CNTN4: variants seen among roughly 807,000 people sequenced by gnomAD.
The protein encoded by CNTN4 is contactin-4.
CNTN4 carries 77 observed loss-of-function variants against 122.5 expected under a neutral mutation model. The observed-to-expected ratio is 0.63, with a 90% CI of 0.52 to 0.76. The LOEUF is 0.76. Ranked by LOEUF, CNTN4 falls within the 30% of genes least tolerant of loss-of-function variation. The pLI is 0.00. For synonymous variants in CNTN4, 512 were observed against 447.0 expected, an observed-to-expected ratio of 1.15 and a Z score of -1.83; for missense variants, 1,256 against 1,259.1, an observed-to-expected ratio of 1.00 and a Z score of 0.04.
At chr3:2,143,801 T>C (rs2035119651) in intron 2 of CNTN4, among the ~76,000 whole-genome samples, 1 of 152,222 alleles carries the variant, frequency 6.6e-6, no homozygotes, top group African/African-American at 2.4e-5. Flanking sequence ...TGCTGTGTCC[T>C]CCAGGGCCTG....
At chr3:2,928,508 C>T (rs2094493385) in intron 13 of CNTN4, among the ~76,000 whole-genome samples, 1 of 152,156 alleles carries the variant, frequency 6.6e-6, no homozygotes, top group Admixed American at 6.5e-5. Flanking sequence ...ACATGAAGTG[C>T]AAAATTCTTT....
intron 23 of CNTN4, 56 bp from the exon 24 acceptor site, chr3:3,053,751 A>G: frequency 6.3e-7 from 1 of 1,577,648 alleles, no homozygotes; most frequent in Non-Finnish European, 8.7e-7. Context: ...TGAATGCTCC[A>G]TATTTGGGAC....
chr3:2,614,765 A>G (rs2081642225), intron 4 of CNTN4, among the ~76,000 whole-genome samples: 1 of 152,132 alleles, frequency 6.6e-6, no homozygotes. Context: ...ACATCCTTGT[A>G]GAGATGCCAG....
chr3:2,601,269 C>G (rs1027841432), intron 4 of CNTN4, among the ~76,000 whole-genome samples: 4 of 152,160 alleles, frequency 2.6e-5, no homozygotes, highest in African/African-American at 9.7e-5. Flanking sequence ...GTCATAAAGT[C>G]CTTGCCCATG....
intron 3 of CNTN4, among the ~76,000 whole-genome samples, chr3:2,367,845 G>T (rs966891335): frequency 2.0e-5 from 3 of 151,984 alleles, no homozygotes; most frequent in African/African-American, 4.8e-5. Context: ...CCCTAACAAC[G>T]TTCGGACTAT....
At chr3:2,472,999 C>T (rs1408485759) in intron 3 of CNTN4, among the ~76,000 whole-genome samples, 1 of 151,774 alleles carries the variant, frequency 6.6e-6, no homozygotes, top group South Asian at 2.1e-4. Context: ...TTTGGGAGGC[C>T]GAAGCAGGTG....
intron 3 of CNTN4, among the ~76,000 whole-genome samples, chr3:2,555,584 T>G (rs2149389020): frequency 6.6e-6 from 1 of 152,246 alleles, no homozygotes; most frequent in South Asian, 2.1e-4. Context: ...CAGAGAAAGC[T>G]TTTAGCCTGG....
At chr3:2,285,114 A>G (rs989660447) in intron 2 of CNTN4, among the ~76,000 whole-genome samples, 3 of 152,054 alleles carry the variant, frequency 2.0e-5, no homozygotes, top group African/African-American at 7.2e-5. Flanking sequence ...TCTTGCAACA[A>G]AGATGCACTA....
At chr3:2,431,836 C>G (rs2048083694) in intron 3 of CNTN4, among the ~76,000 whole-genome samples, 1 of 152,222 alleles carries the variant, frequency 6.6e-6, no homozygotes, top group South Asian at 2.1e-4. Context: ...CAACTGGAGC[C>G]TGAATCAAGG....
At chr3:2,578,726 A>G (rs1344826402) in intron 4 of CNTN4, among the ~76,000 whole-genome samples, 1 of 152,138 alleles carries the variant, frequency 6.6e-6, no homozygotes, top group African/African-American at 2.4e-5. Context: ...TGTATTTACA[A>G]TCATGCTGAC....
Position 2,557,241 on chromosome 3 carries a change from C to T in CNTN4, c.-88-14175C>T, listed in dbSNP as rs191486714. Among the ~76,000 whole-genome samples the T allele has an allele frequency of 4.6e-5, 7 of 152,230 alleles. No homozygotes were observed. The East Asian group carries it at 1.4e-3, about 29-fold the overall frequency. ...CTAATCCAAGGAGGAAATTTGATGT[C>T]AGAAAAAGACACAAACAAAGCAAAA... On this transcript the variant is annotated intron_variant, in intron 3 of 24. Coordinates refer to ENST00000418658, the MANE Select transcript of CNTN4 (RefSeq NM_175607.3).
At chr3:2,382,998 T>C (rs1313205128) in intron 3 of CNTN4, among the ~76,000 whole-genome samples, 3 of 151,096 alleles carry the variant, frequency 2.0e-5, no homozygotes, top group Non-Finnish European at 4.4e-5. Context: ...TTGCTTGAAC[T>C]CGGGAGGCGG....
At chr3:2,410,768 C>A (rs1457149277) in intron 3 of CNTN4, among the ~76,000 whole-genome samples, 1 of 152,152 alleles carries the variant, frequency 6.6e-6, no homozygotes, top group Non-Finnish European at 1.5e-5. Context: ...TAGATGAGCT[C>A]ATTCATGTGA....
At chr3:2,615,209 A>G (rs939483329) in intron 4 of CNTN4, among the ~76,000 whole-genome samples, 9 of 152,226 alleles carry the variant, frequency 5.9e-5, no homozygotes, top group African/African-American at 1.9e-4. Context: ...CATATTAATT[A>G]GGCTCTGAAA....
At chr3:2,840,475 C>T (rs13068151) in intron 7 of CNTN4, among the ~76,000 whole-genome samples, 29,771 of 145,634 alleles carry the variant, frequency 0.2, 3,446 homozygotes, top group Non-Finnish European at 0.26. Context: ...CCGAGGCGGG[C>T]GGATCACGAG....
Position 2,242,723 on chromosome 3 carries a change from G to A in CNTN4, c.-144-96455G>A, listed in dbSNP as rs142179612. 1.8e-4 allele frequency among the ~76,000 whole-genome samples: 27 copies of A among 152,190 alleles called. No homozygotes were observed. The East Asian group carries it at 3.9e-3, about 22-fold the overall frequency. On this transcript the variant is annotated intron_variant, in intron 2 of 24. Coordinates refer to ENST00000418658, the MANE Select transcript of CNTN4 (RefSeq NM_175607.3). ...ATGGATCTGGACATTTCACCCTTCC[G>A]CATATGGGAGTAAAACCTATAAGGA...
chr3:2,826,030 C>T (rs1482105474), intron 7 of CNTN4, among the ~76,000 whole-genome samples: 1 of 152,032 alleles, frequency 6.6e-6, no homozygotes, highest in Non-Finnish European at 1.5e-5. Context: ...TCACAATAAT[C>T]CCATAAGAAG....
intron 7 of CNTN4, among the ~76,000 whole-genome samples, chr3:2,825,582 G>A (rs2092969620): frequency 1.3e-5 from 2 of 152,102 alleles, no homozygotes; most frequent in South Asian, 2.1e-4. Flanking sequence ...CCAGCTATTT[G>A]AGAGGATGAG....
intron 8 of CNTN4, 151 bp downstream of exon 8, chr3:2,867,100 C>T (rs1427326946): frequency 1.4e-6 from 1 of 730,594 alleles, no homozygotes; most frequent in Non-Finnish European, 2.3e-6. Flanking sequence ...ATATTTTCTC[C>T]ACTTGTGTAA....
Sources: gnomAD v4.1 joint callset for allele counts (sites outside exome capture counted in the v4.1 genomes callset) on GRCh38, gnomAD v4.1.1 for gene constraint, MANE v1.5 for transcripts, NCBI Gene and HGNC (gene_info 2026-07-23, HGNC 2026-07-21) for gene names.